CSGALNACT2: variants seen among roughly 807,000 people sequenced by gnomAD.
CSGALNACT2 encodes beta 4 GalNAcT-2.
Under a neutral mutation model 55.3 loss-of-function variants are expected in CSGALNACT2, and 35 were observed. The ratio of observed to expected loss-of-function variants is 0.63; its 90% CI spans 0.48 to 0.84. CSGALNACT2 has a LOEUF of 0.84. Among genes scored for constraint, CSGALNACT2 ranks in the 40% least tolerant of loss-of-function variants. The pLI is 0.00. For synonymous variants in CSGALNACT2, 196 were observed against 224.9 expected, an observed-to-expected ratio of 0.87 and a Z score of 1.15; for missense variants, 544 against 657.5, an observed-to-expected ratio of 0.83 and a Z score of 1.89.
chr10:43,150,980 T>C (rs1838863096), intron 1 of CSGALNACT2, among the ~76,000 whole-genome samples: 2 of 152,314 alleles, frequency 1.3e-5, no homozygotes, highest in South Asian at 4.1e-4. Context: ...TAATCTGCCA[T>C]TAATCCCATT....
intron 7 of CSGALNACT2, among the ~76,000 whole-genome samples, chr10:43,178,345 A>G (rs768978334): frequency 5.9e-5 from 9 of 152,202 alleles, no homozygotes; most frequent in Non-Finnish European, 1.2e-4. Context: ...AATACAGGCC[A>G]GGCACGGTGG....
Position 43,155,729 on chromosome 10 carries a change from C to T in CSGALNACT2, c.580C>T (p.Pro194Ser), listed in dbSNP as rs752537770. The change falls in exon 2 of 8, where the codon CCT (proline) becomes TCT (serine). Residue 194 changes from proline (P) to serine (S), a missense_variant. This residue lies in a region of CSGALNACT2 where 374 missense variants were observed against 401.3 expected (regional missense o/e 0.93). Coordinates refer to ENST00000374466, the MANE Select transcript of CSGALNACT2 (RefSeq NM_018590.5). ...IEAGLEVINN[P>S]DEDDEQEDEE... ...AGCGGGCTTGGAGGTCATTAATAAT[C>T]CTGATGAAGATGATGAACAAGAAGA... 6.2e-7 allele frequency: 1 copy of T among 1,613,860 alleles called. No individual in the cohort carries two copies. Among genetic ancestry groups the T allele is most frequent in the South Asian group, 1.1e-5 (1 of 91,068 alleles).
At chr10:43,143,126 C>T (rs1838666416) in intron 1 of CSGALNACT2, among the ~76,000 whole-genome samples, 1 of 152,160 alleles carries the variant, frequency 6.6e-6, no homozygotes. Flanking sequence ...AACCATGATG[C>T]AGATCTTTGA....
In CSGALNACT2 at chr10:43,183,566, A is replaced by G. The variant is rs1839634940; in HGVS notation, c.*24A>G. 1.9e-6 allele frequency: 3 copies of G among 1,598,536 alleles called. No individual in the cohort carries two copies. Among genetic ancestry groups the G allele is most frequent in the South Asian group, 1.1e-5 (1 of 90,696 alleles). ...GAAATCATAATTAATGCGTTACTGT[A>G]TGAACCACAAAACAGCACTATTTAT... On this transcript the variant is annotated 3_prime_UTR_variant, in exon 8 of 8. Transcript: ENST00000374466.
At chr10:43,144,572 T>G (rs937721618) in intron 1 of CSGALNACT2, among the ~76,000 whole-genome samples, 27 of 152,142 alleles carry the variant, frequency 1.8e-4, no homozygotes, top group Admixed American at 3.9e-4. Context: ...GGGGTTTTTT[T>G]TTGTTGTTGT....
At chr10:43,148,934 C>A (rs1453327714) in intron 1 of CSGALNACT2, among the ~76,000 whole-genome samples, 2 of 152,128 alleles carry the variant, frequency 1.3e-5, no homozygotes, top group African/African-American at 4.8e-5. Context: ...ATAGAAGTGA[C>A]AAGAACAGAC....
intron 4 of CSGALNACT2, chr10:43,162,492 G>T (rs905702005): frequency 2.1e-5 from 21 of 985,246 alleles, no homozygotes; most frequent in Non-Finnish European, 1.4e-5. Flanking sequence ...GAGTATGTGG[G>T]GTGGCAATGG....
chr10:43,150,294 TAATG>T (rs2133102094), intron 1 of CSGALNACT2, among the ~76,000 whole-genome samples: 1 of 152,354 alleles, frequency 6.6e-6, no homozygotes, highest in African/African-American at 2.4e-5. Context: ...ATTTAGATAA[TAATG>T]AGCAAAAATC....
chr10:43,178,618 C>CAA (rs201493922), intron 7 of CSGALNACT2, among the ~76,000 whole-genome samples: 33 of 64,728 alleles, frequency 5.1e-4, no homozygotes, highest in East Asian at 5.1e-3. Flanking sequence ...GAGACTCCAT[C>CAA]AAAAAAAAAA....
intron 7 of CSGALNACT2, among the ~76,000 whole-genome samples, chr10:43,182,966 T>G (rs1039185988): frequency 2.6e-5 from 4 of 152,320 alleles, no homozygotes; most frequent in Admixed American, 1.3e-4. Context: ...TATTTGACTT[T>G]TTGTAGATTT....
At chr10:43,157,164 T>C (rs868740556) in intron 2 of CSGALNACT2, among the ~76,000 whole-genome samples, 19 of 152,322 alleles carry the variant, frequency 1.2e-4, no homozygotes, top group Middle Eastern at 3.4e-3. Context: ...TCTCACTGTA[T>C]GTTTGTAGCT....
chr10:43,143,444 T>C (rs558834049), intron 1 of CSGALNACT2, among the ~76,000 whole-genome samples: 1 of 152,076 alleles, frequency 6.6e-6, no homozygotes, highest in South Asian at 2.1e-4. Flanking sequence ...GAATTGTGAA[T>C]TGCTGGATTA....
rs115196139 is a variant in CSGALNACT2, at chr10:43,160,946, C to T, written c.980+351C>T. On this transcript the variant is annotated intron_variant, in intron 4 of 7. Transcript: ENST00000374466. The stretch of plus-strand genomic sequence containing the variant: ...CTTTCTTTCCTTCCATTTCCTCAGG[C>T]TCCTTCTTCTCCCCCTGCTAACAAT... Among the ~76,000 whole-genome samples the T allele has an allele frequency of 5.2e-3, 794 of 152,172 alleles. 6 individuals are homozygous for T. Among genetic ancestry groups the T allele is most frequent in the African/African-American group, 0.017 (718 of 41,528 alleles).
chr10:43,162,961 C>A, intron 4 of CSGALNACT2: 2 of 985,338 alleles, frequency 2.0e-6, no homozygotes, highest in Non-Finnish European at 1.2e-6. Flanking sequence ...AGGTACTCTT[C>A]ACTCTGACCC....
Position 43,158,736 on chromosome 10 carries a change from A to G in CSGALNACT2, c.683A>G (p.Asp228Gly). The change falls in exon 3 of 8, where the codon GAT becomes GGT. Residue 228 changes from aspartate to glycine, a missense_variant. By Grantham distance (94) the Asp-to-Gly change is moderately conservative (BLOSUM62 -1). Coordinates refer to ENST00000374466, the MANE Select transcript of CSGALNACT2 (RefSeq NM_018590.5). ...FVEGYYRTER[D>G]KGTQYELFFK... ...TTAGGTTATTATCGCACTGAGAGAGATAAGGGCACACAGTATGAACTCTTT... is the reference window on the plus strand; with the variant it reads ...TTAGGTTATTATCGCACTGAGAGAGGTAAGGGCACACAGTATGAACTCTTT... 6.2e-7 allele frequency: 1 copy of G among 1,605,682 alleles called. No individual in the cohort carries two copies. Among genetic ancestry groups the G allele is most frequent in the Non-Finnish European group, 8.5e-7 (1 of 1,172,560 alleles).
intron 6 of CSGALNACT2, among the ~76,000 whole-genome samples, chr10:43,168,673 GAC>G (rs55776451): frequency 0.045 from 6,639 of 147,922 alleles, 167 homozygotes; most frequent in South Asian, 0.064. Context: ...AGTACACACA[GAC>G]ACACACACAC....
chr10:43,154,588 T>C (rs1021834776), intron 1 of CSGALNACT2, among the ~76,000 whole-genome samples: 22 of 151,774 alleles, frequency 1.4e-4, no homozygotes, highest in African/African-American at 4.1e-4. Flanking sequence ...TAGCTGGGAG[T>C]GGTAGGCAGA....
In CSGALNACT2 at chr10:43,183,243, C is replaced by T. The variant is rs766763316; in HGVS notation, c.1337-7C>T. ...AGTTATTTATAGTGTCAATTTTGAT[C>T]TTACAGGTGGATTTGACATGGAAGT... is the stretch of plus-strand genomic sequence containing the variant. On this transcript the variant is annotated splice_polypyrimidine_tract_variant and splice_region_variant and intron_variant, in intron 7 of 7. Coordinates refer to ENST00000374466, the MANE Select transcript of CSGALNACT2 (RefSeq NM_018590.5). The T allele has an allele frequency of 1.1e-5, 17 of 1,607,750 alleles. No individual in the cohort carries two copies. The highest frequency in any genetic ancestry group is 1.7e-5 in the Admixed American group (1 of 59,982).
intron 1 of CSGALNACT2, among the ~76,000 whole-genome samples, chr10:43,146,011 AT>A (rs1166085451): frequency 2.6e-5 from 4 of 151,918 alleles, no homozygotes; most frequent in East Asian, 1.9e-4. Context: ...CTAAAAAAAG[AT>A]TTTTTTTTAA....
Sources: allele counts gnomAD v4.1 joint callset (sites outside exome capture counted in the v4.1 genomes callset), GRCh38; gene constraint gnomAD v4.1.1; regional missense constraint gnomAD v4.1.1; transcripts MANE v1.5; gene names NCBI Gene and HGNC (gene_info 2026-07-23, HGNC 2026-07-21).